Variants in GRK5 observed in about 807,000 individuals in gnomAD.
GRK5 encodes the protein G protein-coupled receptor kinase 5, also known as g protein-coupled receptor kinase GRK5.
A neutral mutation model predicts 78.4 loss-of-function variants in GRK5; 40 were observed. The observed-to-expected ratio is 0.51, with a 90% CI of 0.40 to 0.66. GRK5 has a LOEUF of 0.66. Among genes scored for constraint, GRK5 ranks in the 30% least tolerant of loss-of-function variants. The pLI, the probability that GRK5 is intolerant of heterozygous loss-of-function variation, is 0.00. For missense variants in GRK5, 598 were observed against 759.9 expected (o/e 0.79, Z 2.50); for synonymous variants, 289 against 296.8 (o/e 0.97, Z 0.27).
At chr10:119,280,636 A>T (rs1305689516) in intron 1 of GRK5, among the ~76,000 whole-genome samples, 1 of 152,200 alleles carries the variant, frequency 6.6e-6, no homozygotes, top group African/African-American at 2.4e-5. Flanking sequence ...TCTTGGGACT[A>T]TACCTAGAAT....
At chr10:119,315,438 T>A (rs988444363) in intron 1 of GRK5, among the ~76,000 whole-genome samples, 1 of 152,050 alleles carries the variant, frequency 6.6e-6, no homozygotes, top group Non-Finnish European at 1.5e-5. Flanking sequence ...GTGGCAAAGG[T>A]GGCAGAGCCC....
In GRK5 at chr10:119,207,589, A is replaced by C; in HGVS notation, c.-329A>C. 3.6e-6 allele frequency: 1 copy of C among 278,336 alleles called. No individual in the cohort carries two copies. Among genetic ancestry groups the C allele is most frequent in the Non-Finnish European group, 6.8e-6 (1 of 146,022 alleles). The allele number at this position is 278,336 out of a possible 1,614,324, so 17.2% of individuals were successfully genotyped here. A position where few individuals can be genotyped will look rare whatever the true frequency, so the allele number is the denominator to read the frequency against. On this transcript the variant is annotated 5_prime_UTR_variant, in exon 1 of 16. Transcript: ENST00000392870. ...GGGAGGCAGAAGCATCCGAGGCATT[A>C]AAGCATCCGAGGGAGCCGGAGGGGA...
intron 1 of GRK5, among the ~76,000 whole-genome samples, chr10:119,308,989 C>T (rs1181997068): frequency 6.6e-6 from 1 of 152,222 alleles, no homozygotes; most frequent in African/African-American, 2.4e-5. Context: ...GGAGCTCCCT[C>T]CAGTGAGGAG....
At chr10:119,249,812 T>C (rs1849172540) in intron 1 of GRK5, among the ~76,000 whole-genome samples, 3 of 152,232 alleles carry the variant, frequency 2.0e-5, no homozygotes. Flanking sequence ...ACTTTGAACT[T>C]TTTAAATGCT....
chr10:119,281,546 T>G (rs1849762439), intron 1 of GRK5, among the ~76,000 whole-genome samples: 1 of 152,170 alleles, frequency 6.6e-6, no homozygotes, highest in South Asian at 2.1e-4. Flanking sequence ...CAGCCTGTAT[T>G]TGAGCCACTG....
At chr10:119,222,091 G>T (rs1325766480) in intron 1 of GRK5, among the ~76,000 whole-genome samples, 3 of 152,112 alleles carry the variant, frequency 2.0e-5, no homozygotes, top group African/African-American at 7.2e-5. Flanking sequence ...CCTGGGAATT[G>T]TTTTTGCTGT....
intron 2 of GRK5, among the ~76,000 whole-genome samples, chr10:119,375,419 C>T (rs1319178007): frequency 6.6e-6 from 1 of 152,228 alleles, no homozygotes; most frequent in Non-Finnish European, 1.5e-5. Flanking sequence ...CTCTCCATGG[C>T]CACCACCCCT....
chr10:119,306,932 G>A (rs1850281245), intron 1 of GRK5, among the ~76,000 whole-genome samples: 1 of 152,082 alleles, frequency 6.6e-6, no homozygotes, highest in South Asian at 2.1e-4. Context: ...AAAAAATGCT[G>A]TGTGACCTTG....
At chr10:119,290,864 G>A (rs1849943610) in intron 1 of GRK5, among the ~76,000 whole-genome samples, 2 of 152,072 alleles carry the variant, frequency 1.3e-5, no homozygotes, top group South Asian at 4.1e-4. Context: ...TCTGGGCTGG[G>A]CTCCTCTAAG....
intron 1 of GRK5, among the ~76,000 whole-genome samples, chr10:119,323,433 T>G (rs999625452): frequency 6.6e-6 from 1 of 152,242 alleles, no homozygotes; most frequent in Admixed American, 6.5e-5. Context: ...CTCCCAGGCC[T>G]TGCAGCTGCT....
rs572246894 is a variant in GRK5 at position 119,430,537 on chromosome 10, C to T, written c.597+99C>T. On this transcript the variant is annotated intron_variant, in intron 7 of 15. Transcript: ENST00000392870. This position sits in a 1 kb window ranked among gnomAD's most constrained non-coding sequence, Gnocchi z 4.5. The stretch of plus-strand genomic sequence containing the variant: ...CTAAAGGGTTGGCCCACGGGTCCCC[C>T]GGGGGCACCAGTGGCTCAATGTGGG... The T allele has an allele frequency of 5.1e-5, 55 of 1,078,188 alleles. No individual in the cohort carries two copies. The highest frequency in any genetic ancestry group is 9.1e-5 in the Admixed American group (4 of 44,042). 66.8% of individuals were successfully genotyped at this position (1,078,188 alleles called of 1,614,324 possible).
intron 4 of GRK5, among the ~76,000 whole-genome samples, chr10:119,399,061 C>T (rs971613954): frequency 6.6e-6 from 1 of 152,198 alleles, no homozygotes; most frequent in African/African-American, 2.4e-5. Flanking sequence ...CCAGACCTCC[C>T]TAGCTCTGCT....
intron 2 of GRK5, among the ~76,000 whole-genome samples, chr10:119,339,326 A>G (rs1850945344): frequency 6.6e-6 from 1 of 152,234 alleles, no homozygotes; most frequent in South Asian, 2.1e-4. Context: ...GTTCTGCCCC[A>G]TAAAGAGATG....
intron 1 of GRK5, among the ~76,000 whole-genome samples, chr10:119,249,397 T>C (rs1267993308): frequency 2.0e-5 from 3 of 152,262 alleles, no homozygotes; most frequent in African/African-American, 7.2e-5. Flanking sequence ...CTTATCTAAG[T>C]TACTTAGTAC....
Position 119,324,870 on chromosome 10 carries a change from AGCCTCACCACGGCAGGTGCC to A in GRK5, c.53-1625_53-1606del, listed in dbSNP as rs370866155. 1.6e-3 allele frequency among the ~76,000 whole-genome samples: 251 copies of A among 152,378 alleles called. 2 individuals are homozygous for A. The highest frequency in any genetic ancestry group is 5.4e-3 in the African/African-American group (225 of 41,592). On this transcript the variant is annotated intron_variant, in intron 1 of 15. Transcript: ENST00000392870. The stretch of plus-strand genomic sequence containing the variant: ...ATTAAACAAGATAATGTACAGGTGG[AGCCTCACCACGGCAGGTGCC>A]GCCTCACCACGGCAGGTGCCCAATA...
At chr10:119,262,031 C>T (rs1849415813) in intron 1 of GRK5, among the ~76,000 whole-genome samples, 1 of 152,176 alleles carries the variant, frequency 6.6e-6, no homozygotes, top group Admixed American at 6.5e-5. Flanking sequence ...CGATTCTTTT[C>T]CTGAAGCTTT....
At chr10:119,338,893 T>A (rs1453605437) in intron 2 of GRK5, among the ~76,000 whole-genome samples, 1 of 152,270 alleles carries the variant, frequency 6.6e-6, no homozygotes, top group Admixed American at 6.5e-5. Context: ...ATTTGGGTTT[T>A]TTCCACCTAG....
intron 4 of GRK5, among the ~76,000 whole-genome samples, chr10:119,409,275 T>G (rs1852295353): frequency 6.6e-6 from 1 of 152,160 alleles, no homozygotes; most frequent in Non-Finnish European, 1.5e-5. Flanking sequence ...GAAAACAAAT[T>G]GTCTTTGCCC....
intron 8 of GRK5, among the ~76,000 whole-genome samples, chr10:119,435,040 G>A (rs114094654): frequency 0.014 from 2,090 of 152,292 alleles, 51 homozygotes; most frequent in African/African-American, 0.048. Context: ...CACTGCATTG[G>A]CCCCTTTCAG....
Sources: allele counts gnomAD v4.1 joint callset (sites outside exome capture counted in the v4.1 genomes callset), GRCh38; gene constraint gnomAD v4.1.1; non-coding constraint Gnocchi (gnomAD v3.1); transcripts MANE v1.5; gene names NCBI Gene and HGNC (gene_info 2026-07-23, HGNC 2026-07-21).